The following GAN variants were observed in gnomAD, a reference collection of about 807,000 sequenced individuals.
GAN encodes gigaxonin, also known as epididymis secretory sperm binding protein.
GAN carries 48 observed loss-of-function variants against 71.3 expected under a neutral mutation model. That is an observed-to-expected ratio of 0.67 (90% CI 0.53 to 0.86). The LOEUF (loss-of-function observed/expected upper bound fraction) is 0.86, where lower values mean the gene tolerates loss of function less well. GAN is among the 40% of genes least tolerant of loss of function. The probability of loss-of-function intolerance (pLI) is 0.00; values close to 1 mark genes in which losing one functional copy is unlikely to be tolerated. For synonymous variants in GAN, 386 were observed against 276.8 expected, an observed-to-expected ratio of 1.39 and a Z score of -3.92; for missense variants, 928 against 770.1, an observed-to-expected ratio of 1.21 and a Z score of -2.43.
In GAN at chr16:81,388,185, C is replaced by G. The variant is rs768925241; in HGVS notation, c.*10589C>G. The G allele has an allele frequency of 2.0e-5, 3 of 152,226 alleles. No homozygotes were observed. The highest frequency in any genetic ancestry group is 2.0e-4 in the Admixed American group (3 of 15,284). The allele number at this position is 152,226 out of a possible 1,614,324, so 9.4% of individuals were successfully genotyped here. Reference sequence around the variant, plus strand: ...TCTTGGGATAGCTTTCCCACCCTGCCCTCTGCTCCTCTGTCCCAACCCTCT... The same window carrying G: ...TCTTGGGATAGCTTTCCCACCCTGCGCTCTGCTCCTCTGTCCCAACCCTCT... On this transcript the variant is annotated 3_prime_UTR_variant, in exon 11 of 11. Transcript: ENST00000648994.
chr16:81,344,123 A>T (rs1355768228), intron 1 of GAN, among the ~76,000 whole-genome samples: 1 of 152,220 alleles, frequency 6.6e-6, no homozygotes, highest in East Asian at 1.9e-4. Context: ...GGACACAAAC[A>T]ATGGAAAAAC....
At chr16:81,346,119 A>G (rs562720318) in intron 1 of GAN, among the ~76,000 whole-genome samples, 10 of 152,252 alleles carry the variant, frequency 6.6e-5, no homozygotes, top group Non-Finnish European at 1.3e-4. Context: ...AGTGGCTGTT[A>G]GTGTCCATCT....
chr16:81,347,843 TATG>T (rs1910170878), intron 1 of GAN, among the ~76,000 whole-genome samples: 1 of 152,178 alleles, frequency 6.6e-6, no homozygotes, highest in South Asian at 2.1e-4. Context: ...CCTGAATTAT[TATG>T]ATGATGTGCT....
chr16:81,326,603 G>A lies in GAN; in HGVS notation c.167+11323G>A, dbSNP rs148348916. 3.6e-3 allele frequency among the ~76,000 whole-genome samples: 543 copies of A among 152,248 alleles called. 5 individuals are homozygous for A. Among genetic ancestry groups the A allele is most frequent in the African/African-American group, 0.012 (511 of 41,532 alleles). Reference sequence around the variant, plus strand: ...CAGCATTGCTTAATGACACCAATACGTTCTGAGAAATACATCATTGGGCAT... The same window carrying A: ...CAGCATTGCTTAATGACACCAATACATTCTGAGAAATACATCATTGGGCAT... On this transcript the variant is annotated intron_variant, in intron 1 of 10. Coordinates refer to ENST00000648994, the MANE Select transcript of GAN (RefSeq NM_022041.4).
Position 81,315,255 on chromosome 16 carries a change from C to T in GAN, c.142C>T (p.Leu48=), listed in dbSNP as rs1376281078. ...GGAGATCCCGGTGCAGAAGAACATC[C>T]TGGCGGCGGCCAGCCCGTACATCAG... is the stretch of plus-strand genomic sequence containing the variant. ...GEEIPVQKNI[L]AAASPYIRTK... is the part of the protein sequence containing the mutation. Residue 48 remains leucine (L), a synonymous_variant, in exon 1 of 11, where the codon CTG becomes TTG. Transcript: ENST00000648994. 4 of 1,572,662 alleles carry T rather than the reference C, an allele frequency of 2.5e-6. No individual in the cohort carries two copies. Among genetic ancestry groups the T allele is most frequent in the Non-Finnish European group, 3.4e-6 (4 of 1,161,042 alleles).
intron 1 of GAN, among the ~76,000 whole-genome samples, chr16:81,333,404 A>G (rs1442187661): frequency 9.9e-5 from 15 of 152,224 alleles, no homozygotes; most frequent in African/African-American, 3.6e-4. Context: ...AACCCGGTCC[A>G]TCCTTCTGTA....
At position 81,358,262 on chromosome 16, in the gene GAN, T is replaced by C. The variant is rs2113309; in HGVS notation, c.973+331T>C. Among the ~76,000 whole-genome samples, 530 of 152,284 alleles carry C rather than the reference T, an allele frequency of 3.5e-3. 3 individuals are homozygous for C. The highest frequency in any genetic ancestry group is 0.012 in the African/African-American group (497 of 41,560). ...TGGAACACAGCGTTTCTTTGCACCA[T>C]GGTAGTCCCATCTTTGAAATTCATG... On this transcript the variant is annotated intron_variant, in intron 5 of 10. Transcript: ENST00000648994.
intron 9 of GAN, among the ~76,000 whole-genome samples, chr16:81,376,465 A>ATGTGTGTGTGTGTGTGTGTG (rs56782049): frequency 1.1e-4 from 14 of 127,154 alleles, no homozygotes; most frequent in Non-Finnish European, 1.6e-4. Context: ...ATACATACAT[A>ATGTGTGTGTGTGTGTGTGTG]TGTGTGTGTG....
intron 9 of GAN, among the ~76,000 whole-genome samples, chr16:81,368,597 A>G (rs1910937160): frequency 6.6e-6 from 1 of 152,188 alleles, no homozygotes; most frequent in African/African-American, 2.4e-5. Flanking sequence ...GTGCCAGAGC[A>G]AGACCCTGTC....
rs1039396731 is a variant in GAN at position 81,382,565 on chromosome 16, T to C, written c.*4969T>C. ...AGGGAAAATAAACTATGTCTTAGAA[T>C]GTTGAGGAAAGTATTTTGATAGCTT... is the stretch of plus-strand genomic sequence containing the variant. On this transcript the variant is annotated 3_prime_UTR_variant, in exon 11 of 11. Transcript: ENST00000648994. The C allele has an allele frequency of 6.6e-6, 1 of 152,346 alleles. No homozygotes were observed. The highest frequency in any genetic ancestry group is 1.5e-5 in the Non-Finnish European group (1 of 68,030). The allele number at this position is 152,346 out of a possible 1,614,324, so 9.4% of individuals were successfully genotyped here. A position where few individuals can be genotyped will look rare whatever the true frequency, so the allele number is the denominator to read the frequency against.
chr16:81,365,009 C>T lies in GAN; in HGVS notation c.1272C>T (p.Tyr424=), dbSNP rs1386745649. The T allele has an allele frequency of 1.1e-5, 17 of 1,613,602 alleles. No individual in the cohort carries two copies. The highest frequency in any genetic ancestry group is 3.3e-5 in the South Asian group (3 of 91,070). ...ATGCAGCTATGAAAAAGAAAATCTA[C>T]GCCATGGGTGGAGGCTCCTACGGAA... ...GCYAAMKKKI[Y]AMGGGSYGKL... The change falls in exon 8 of 11, where the codon TAC becomes TAT. Residue 424 remains tyrosine, a synonymous_variant. Transcript: ENST00000648994.
At chr16:81,338,351 A>G (rs1909834392) in intron 1 of GAN, among the ~76,000 whole-genome samples, 1 of 152,204 alleles carries the variant, frequency 6.6e-6, no homozygotes, top group South Asian at 2.1e-4. Context: ...GTGGGGACAG[A>G]GAACATAGAA....
chr16:81,376,974 G>C (rs938347150), intron 9 of GAN, among the ~76,000 whole-genome samples: 1 of 152,212 alleles, frequency 6.6e-6, no homozygotes, highest in Non-Finnish European at 1.5e-5. Context: ...CTTGTGCTGA[G>C]CAGAAGCAGG....
At chr16:81,340,649 C>T (rs1909910864) in intron 1 of GAN, among the ~76,000 whole-genome samples, 1 of 152,064 alleles carries the variant, frequency 6.6e-6, no homozygotes, top group Non-Finnish European at 1.5e-5. Context: ...ACATCAAAGA[C>T]CCAAGTAGAT....
chr16:81,357,856 G>T lies in GAN; in HGVS notation c.898G>T (p.Asp300Tyr). 1 of 1,613,336 alleles carries T rather than the reference G, an allele frequency of 6.2e-7. No homozygotes were observed. Among genetic ancestry groups the T allele is most frequent in the Non-Finnish European group, 8.5e-7 (1 of 1,179,300 alleles). Residue 300 changes from aspartate to tyrosine, a missense_variant, in exon 5 of 11, where the codon GAC becomes TAC. Coordinates refer to ENST00000648994, the MANE Select transcript of GAN (RefSeq NM_022041.4). ...AAMRCMCPLY[D>Y]PNRQLWIELA... ...GATGCGATGCATGTGCCCTCTCTAT[G>T]ACCCTAACAGGCAGCTTTGGATCGA...
At position 81,378,931 on chromosome 16, in the gene GAN, C is replaced by T. The variant is rs1017218786; in HGVS notation, c.*1335C>T. 4 of 152,326 alleles carry T rather than the reference C, an allele frequency of 2.6e-5. No individual in the cohort carries two copies. Among genetic ancestry groups the T allele is most frequent in the African/African-American group, 2.4e-5 (1 of 41,416 alleles). The allele number at this position is 152,326 out of a possible 1,614,324, so 9.4% of individuals were successfully genotyped here. On this transcript the variant is annotated 3_prime_UTR_variant, in exon 11 of 11. Coordinates refer to ENST00000648994, the MANE Select transcript of GAN (RefSeq NM_022041.4). The stretch of plus-strand genomic sequence containing the variant: ...GAATTACACCACCCTAGTGTGAAAT[C>T]GGGGACTTCAAAGTGCTTGATTCCT...
chr16:81,342,631 A>G (rs1302738947), intron 1 of GAN, among the ~76,000 whole-genome samples: 1 of 152,260 alleles, frequency 6.6e-6, no homozygotes, highest in Non-Finnish European at 1.5e-5. Flanking sequence ...CATTTCAAGC[A>G]ATATGTAGAG....
intron 2 of GAN, among the ~76,000 whole-genome samples, chr16:81,352,661 A>G (rs1317950887): frequency 6.6e-6 from 1 of 152,204 alleles, no homozygotes; most frequent in Non-Finnish European, 1.5e-5. Context: ...CATTCTGTCC[A>G]GAGTTAAACG....
intron 9 of GAN, among the ~76,000 whole-genome samples, chr16:81,375,821 T>TA (rs943376006): frequency 1.6e-4 from 25 of 151,826 alleles, no homozygotes; most frequent in African/African-American, 5.6e-4. Context: ...AAAAAATTCA[T>TA]TAGCTGGGTG....
Sources: gnomAD v4.1 joint callset for allele counts (sites outside exome capture counted in the v4.1 genomes callset) on GRCh38, gnomAD v4.1.1 for gene constraint, MANE v1.5 for transcripts, NCBI Gene and HGNC (gene_info 2026-07-23, HGNC 2026-07-21) for gene names.